TMEM230: variants seen among roughly 807,000 people sequenced by gnomAD.
TMEM230 encodes the protein UPF0414 transmembrane protein C20orf30.
Under a neutral mutation model 15.8 loss-of-function variants are expected in TMEM230, and 10 were observed. The ratio of observed to expected loss-of-function variants is 0.63; its 90% CI spans 0.39 to 1.07. The LOEUF (loss-of-function observed/expected upper bound fraction) is 1.07, where lower values mean the gene tolerates loss of function less well. TMEM230 is among the 50% of genes least tolerant of loss of function. The pLI, the probability that TMEM230 is intolerant of heterozygous loss-of-function variation, is 0.01. For synonymous variants in TMEM230, 67 were observed against 76.9 expected (o/e 0.87, Z 0.68); for missense variants, 165 against 193.3 (o/e 0.85, Z 0.87).
rs1371829703 is a variant in TMEM230, at chr20:5,108,984, T to C, written c.288+348A>G. ...AAACAGTGATAAAAAAAATTCCACC[T>C]AACAAAAATTTTAAAGTTCCTTAAA... On this transcript the variant is annotated intron_variant, in intron 3 of 4. Transcript: ENST00000342308. Among the ~76,000 whole-genome samples the C allele has an allele frequency of 2.6e-5, 4 of 152,054 alleles. No individual in the cohort carries two copies. In the South Asian group the frequency reaches 8.3e-4, roughly 32 times the overall value.
chr20:5,090,604 A>G (rs1389578627), intron 3 of TMEM230, among the ~76,000 whole-genome samples: 1 of 152,226 alleles, frequency 6.6e-6, no homozygotes, highest in East Asian at 1.9e-4. Flanking sequence ...CATGCAAATA[A>G]ACATGATTAT....
chr20:5,088,688 A>AT (rs1654669239), intron 3 of TMEM230, among the ~76,000 whole-genome samples: 1 of 151,686 alleles, frequency 6.6e-6, no homozygotes, highest in South Asian at 2.1e-4. Flanking sequence ...AATTAAAAAA[A>AT]ATTTTTTTGT....
chr20:5,097,249 G>T (rs1227290963), downstream of TMEM230, among the ~76,000 whole-genome samples: 1 of 152,078 alleles, frequency 6.6e-6, no homozygotes, highest in East Asian at 1.9e-4. Context: ...ACAATTCCTG[G>T]CAGAACAGAA....
chr20:5,101,779 C>T (rs182394419), intron 4 of TMEM230, among the ~76,000 whole-genome samples: 17 of 152,246 alleles, frequency 1.1e-4, no homozygotes, highest in Admixed American at 1.0e-3. Flanking sequence ...TTCAAGACAA[C>T]TTGGACACTG....
At chr20:5,101,422 C>G (rs758965840) in intron 4 of TMEM230, among the ~76,000 whole-genome samples, 1 of 151,988 alleles carries the variant, frequency 6.6e-6, no homozygotes, top group East Asian at 1.9e-4. Flanking sequence ...TTTTCTTTCT[C>G]TTTTTTCTTT....
chr20:5,061,080 C>A, the TMEM230 span: 6 of 152,298 alleles, frequency 3.9e-5, no homozygotes, highest in East Asian at 1.2e-3. Flanking sequence ...TTAAAAAACA[C>A]AATACAGCCT....
At chr20:5,096,933 A>C (rs1443008658), downstream of TMEM230, among the ~76,000 whole-genome samples, 1 of 152,208 alleles carries the variant, frequency 6.6e-6, no homozygotes, top group Non-Finnish European at 1.5e-5. Flanking sequence ...GCTGGATATA[A>C]AAGAGTGGTG....
intron 3 of TMEM230, among the ~76,000 whole-genome samples, chr20:5,080,403 T>C (rs1447329142): frequency 1.3e-5 from 2 of 152,220 alleles, no homozygotes; most frequent in African/African-American, 4.8e-5. Context: ...CTGTGTTAAC[T>C]GATACAATTT....
downstream of TMEM230, chr20:5,067,453 A>ATATATATATATG: frequency 1.3e-5 from 1 of 77,422 alleles, no homozygotes; most frequent in Admixed American, 1.5e-4. Flanking sequence ...ATATATATAT[A>ATATATATATATG]TATATATTTT....
chr20:5,102,807 C>A (rs1183841220), intron 4 of TMEM230, among the ~76,000 whole-genome samples: 2 of 151,590 alleles, frequency 1.3e-5, no homozygotes, highest in Non-Finnish European at 2.9e-5. Context: ...CAAAACTAGG[C>A]AAAGACACAT....
Position 5,071,162 on chromosome 20 carries a change from G to T in TMEM230, c.223-1813C>A, listed in dbSNP as rs1444163141. ...AAAGCTTGGGAGTGCGGATACCTTT[G>T]ATTCTAATTATTAGCGAATGCCTCA... On this transcript the variant is annotated intron_variant, in intron 3 of 3. Transcript: ENST00000612323. Among the ~76,000 whole-genome samples, 3 of 152,244 alleles carry T rather than the reference G, an allele frequency of 2.0e-5. No homozygotes were observed. In the East Asian group the frequency reaches 5.8e-4, roughly 29 times the overall value.
intron 4 of TMEM230, among the ~76,000 whole-genome samples, chr20:5,105,577 A>AAAAT (rs1285339903): frequency 1.3e-5 from 2 of 152,104 alleles, no homozygotes; most frequent in Admixed American, 1.3e-4. Flanking sequence ...ACTCTGTCTC[A>AAAAT]AAATAAATAA....
intron 3 of TMEM230, among the ~76,000 whole-genome samples, chr20:5,087,302 C>T (rs547146083): frequency 1.5e-4 from 23 of 152,220 alleles, no homozygotes; most frequent in Non-Finnish European, 2.8e-4. Flanking sequence ...TAGACAACAA[C>T]CTTCCTTTCC....
chr20:5,093,206 GA>G (rs367651277), intron 3 of TMEM230, among the ~76,000 whole-genome samples: 2 of 151,932 alleles, frequency 1.3e-5, no homozygotes, highest in Non-Finnish European at 2.9e-5. Context: ...ACTATTCAAA[GA>G]AAAAAAAGAA....
At chr20:5,106,581 AT>A (rs2090103965) in intron 3 of TMEM230, among the ~76,000 whole-genome samples, 1 of 152,068 alleles carries the variant, frequency 6.6e-6, no homozygotes, top group African/African-American at 2.4e-5. Context: ...TTTTTTTGGT[AT>A]TTTTAGTAGA....
intron 3 of TMEM230, among the ~76,000 whole-genome samples, chr20:5,080,174 C>T (rs757931945): frequency 2.0e-5 from 3 of 152,134 alleles, no homozygotes; most frequent in African/African-American, 4.8e-5. Flanking sequence ...AATCATCTAT[C>T]CTGCTGCTAA....
chr20:5,067,410 C>CATATATAT (rs60791101), downstream of TMEM230: 428 of 102,100 alleles, frequency 4.2e-3, 4 homozygotes, highest in Non-Finnish European at 5.6e-3. Flanking sequence ...TGTTTAGGCT[C>CATATATAT]ATATATATAT....
chr20:5,078,045 C>G (rs1230919041), intron 3 of TMEM230, among the ~76,000 whole-genome samples: 1 of 152,130 alleles, frequency 6.6e-6, no homozygotes, highest in Non-Finnish European at 1.5e-5. Context: ...AGACATCAAC[C>G]TCACTGCCCC....
intron 3 of TMEM230, among the ~76,000 whole-genome samples, chr20:5,094,211 C>T (rs898584330): frequency 1.3e-5 from 2 of 151,376 alleles, no homozygotes; most frequent in Admixed American, 1.3e-4. Flanking sequence ...CCTGCCTCGG[C>T]CTCCCAAAGT....
Sources: gnomAD v4.1 joint callset for allele counts (sites outside exome capture counted in the v4.1 genomes callset) on GRCh38, gnomAD v4.1.1 for gene constraint, MANE v1.5 for transcripts, NCBI Gene and HGNC (gene_info 2026-07-23, HGNC 2026-07-21) for gene names.